COBL: variants seen among roughly 807,000 people sequenced by gnomAD.
The protein encoded by COBL is cordon-bleu WH2 repeat protein.
COBL carries 51 observed loss-of-function variants against 98.8 expected under a neutral mutation model. That is an observed-to-expected ratio of 0.52 (90% confidence interval 0.41 to 0.65). The LOEUF (loss-of-function observed/expected upper bound fraction) is 0.65, where lower values mean the gene tolerates loss of function less well. Ranked by LOEUF, COBL falls within the 30% of genes least tolerant of loss-of-function variation. The pLI is 0.00. For synonymous variants in COBL, 634 were observed against 651.7 expected (o/e 0.97, Z 0.41); for missense variants, 1,617 against 1,617.5 (o/e 1.00, Z 0.01).
At chr7:51,113,701 T>C (rs1797033141) in intron 6 of COBL, among the ~76,000 whole-genome samples, 1 of 152,256 alleles carries the variant, frequency 6.6e-6, no homozygotes, top group Non-Finnish European at 1.5e-5. Context: ...TTCAATATTA[T>C]TTGGAATAAA....
intron 1 of COBL, among the ~76,000 whole-genome samples, chr7:51,262,437 T>G (rs6955756): frequency 0.4 from 60,773 of 151,988 alleles, 12,453 homozygotes; most frequent in South Asian, 0.47. Flanking sequence ...AGTAGGACCA[T>G]ACAAACAGTT....
In COBL at chr7:51,098,224, C is replaced by CTTTTTTTTTTTTT. The variant is rs551768231; in HGVS notation, c.958-12921_958-12920insAAAAAAAAAAAAA. On this transcript the variant is annotated intron_variant, in intron 6 of 12. Coordinates refer to ENST00000265136, the MANE Select transcript of COBL (RefSeq NM_015198.5). ...ACTACCAAAATCCCAATAGCAGTTT[C>CTTTTTTTTTTTTT]TTTTTTTTTTTTGGAGAAATAGGAA... Among the ~76,000 whole-genome samples, 152 of 100,800 alleles carry CTTTTTTTTTTTTT rather than the reference C, an allele frequency of 1.5e-3. 23 individuals are homozygous for CTTTTTTTTTTTTT. The highest frequency in any genetic ancestry group is 5.2e-3 in the African/African-American group (115 of 22,318). The allele number at this position is 100,800 out of a possible 152,430, so 66.1% of individuals were successfully genotyped here.
intron 6 of COBL, among the ~76,000 whole-genome samples, chr7:51,093,958 C>G (rs1795048941): frequency 6.7e-6 from 1 of 149,702 alleles, no homozygotes; most frequent in Admixed American, 6.6e-5. Flanking sequence ...TCAACAGATA[C>G]TTGGATAAAT....
chr7:51,061,961 A>G lies in COBL; in HGVS notation c.1097-18269T>C, dbSNP rs1583650860. ...CTCCCCACCATAGATACACACACACACACACACACACACACACACACTCAT... is the reference window on the plus strand; with the variant it reads ...CTCCCCACCATAGATACACACACACGCACACACACACACACACACACTCAT... On this transcript the variant is annotated intron_variant, in intron 7 of 12. Coordinates refer to ENST00000265136, the MANE Select transcript of COBL (RefSeq NM_015198.5). 1.1e-4 allele frequency among the ~76,000 whole-genome samples: 6 copies of G among 56,628 alleles called. No individual in the cohort carries two copies. In the South Asian group the frequency reaches 3.8e-3, roughly 36 times the overall value. 37.2% of individuals were successfully genotyped at this position (56,628 alleles called of 152,430 possible).
chr7:51,184,950 A>G (rs1789351949), intron 4 of COBL, among the ~76,000 whole-genome samples: 1 of 152,242 alleles, frequency 6.6e-6, no homozygotes, highest in African/African-American at 2.4e-5. Flanking sequence ...CAAATCTCCC[A>G]GGAACCACCT....
intron 6 of COBL, among the ~76,000 whole-genome samples, chr7:51,124,589 C>G (rs6593331): frequency 0.61 from 92,162 of 151,964 alleles, 28,264 homozygotes; most frequent in Middle Eastern, 0.74. Context: ...CTTCCCATGG[C>G]GACGGCTGCT....
chr7:51,279,120 T>C (rs925853972), intron 1 of COBL, among the ~76,000 whole-genome samples: 1 of 152,208 alleles, frequency 6.6e-6, no homozygotes, highest in Non-Finnish European at 1.5e-5. Flanking sequence ...AAAAACCCAG[T>C]GATACACAGA....
rs149372654 is a variant in COBL, at chr7:51,038,143, G to A, written c.1406+5240C>T. Among the ~76,000 whole-genome samples the A allele has an allele frequency of 9.2e-5, 14 of 152,240 alleles. No homozygotes were observed. The East Asian group carries it at 2.5e-3, about 27-fold the overall frequency. On this transcript the variant is annotated intron_variant, in intron 8 of 12. Coordinates refer to ENST00000265136, the MANE Select transcript of COBL (RefSeq NM_015198.5). ...CTGGGAGTACAGGCGTGAGCCCAACGTGTAACATATTCTAATTATTACCAA... is the reference window on the plus strand; with the variant it reads ...CTGGGAGTACAGGCGTGAGCCCAACATGTAACATATTCTAATTATTACCAA...
rs147981510 is a variant in COBL at position 51,171,640 on chromosome 7, ACT to A, written c.783+12460_783+12461del. 8.2e-3 allele frequency among the ~76,000 whole-genome samples: 1,245 copies of A among 152,226 alleles called. 68 individuals carry two copies. In the South Asian group the frequency reaches 0.15, roughly 18 times the overall value. Reference sequence around the variant, plus strand: ...ATGTCAATAGTTGTAATATATTTATACTGTTTTGATTTATTTTGTAATTTTTA... The same window carrying A: ...ATGTCAATAGTTGTAATATATTTATAGTTTTGATTTATTTTGTAATTTTTA... On this transcript the variant is annotated intron_variant, in intron 5 of 12. Transcript: ENST00000265136.
chr7:51,134,475 G>A (rs1331819550), intron 6 of COBL, among the ~76,000 whole-genome samples: 2 of 152,110 alleles, frequency 1.3e-5, no homozygotes, highest in African/African-American at 4.8e-5. Context: ...TATCCACTGT[G>A]GGTAAGCACA....
chr7:51,129,915 G>A (rs75118217), intron 6 of COBL, among the ~76,000 whole-genome samples: 2,349 of 152,300 alleles, frequency 0.015, 59 homozygotes, highest in African/African-American at 0.054. Context: ...AGATTCTCCA[G>A]GGTAGAGGAG....
chr7:51,107,069 T>A (rs1796349622), intron 6 of COBL, among the ~76,000 whole-genome samples: 1 of 151,002 alleles, frequency 6.6e-6, no homozygotes, highest in Non-Finnish European at 1.5e-5. Context: ...ACTTAACACT[T>A]TTTTTGTGAT....
intron 4 of COBL, among the ~76,000 whole-genome samples, chr7:51,189,216 C>G (rs570967037): frequency 2.4e-4 from 36 of 152,280 alleles, no homozygotes; most frequent in African/African-American, 8.7e-4. Flanking sequence ...CCAAAACCCT[C>G]TCTTGAATGT....
At chr7:51,310,500 G>C (rs1802918628) in intron 1 of COBL, among the ~76,000 whole-genome samples, 1 of 152,224 alleles carries the variant, frequency 6.6e-6, no homozygotes, top group Non-Finnish European at 1.5e-5. Context: ...GGCAGCCTCT[G>C]TCTGGAGAGA....
chr7:51,259,919 T>C, intron 1 of COBL: 1 of 755,714 alleles, frequency 1.3e-6, no homozygotes, highest in African/African-American at 1.7e-5. Flanking sequence ...CAAGGAATGT[T>C]ATCTGGCAAT....
At chr7:51,035,083 GGGAT>G (rs1176590287) in intron 8 of COBL, 2 of 152,222 alleles carry the variant, frequency 1.3e-5, no homozygotes, top group African/African-American at 4.8e-5. Context: ...CCAGCCTCTT[GGGAT>G]GGTCGGAGGG....
intron 1 of COBL, among the ~76,000 whole-genome samples, chr7:51,302,655 G>C (rs897870824): frequency 6.6e-6 from 1 of 151,474 alleles, no homozygotes; most frequent in Non-Finnish European, 1.5e-5. Context: ...CCAACACTTT[G>C]GGGAGCCAAG....
At chr7:51,266,465 C>A (rs2129156525) in intron 1 of COBL, among the ~76,000 whole-genome samples, 1 of 152,272 alleles carries the variant, frequency 6.6e-6, no homozygotes, top group African/African-American at 2.4e-5. Context: ...GTAATCCCAG[C>A]TATTCAAGAG....
intron 6 of COBL, among the ~76,000 whole-genome samples, chr7:51,094,505 T>A (rs899764176): frequency 1.3e-5 from 2 of 152,044 alleles, no homozygotes; most frequent in Non-Finnish European, 2.9e-5. Context: ...TTATTATTTA[T>A]CAATTAAAAG....
Sources: allele counts gnomAD v4.1 joint callset (sites outside exome capture counted in the v4.1 genomes callset), GRCh38; gene constraint gnomAD v4.1.1; transcripts MANE v1.5; gene names NCBI Gene and HGNC (gene_info 2026-07-23, HGNC 2026-07-21).